KAT6B: variants seen among roughly 807,000 people sequenced by gnomAD.
The protein encoded by KAT6B is lysine acetyltransferase 6B.
KAT6B carries 10 observed loss-of-function variants against 187.5 expected under a neutral mutation model. That is an observed-to-expected ratio of 0.05 (90% CI 0.03 to 0.09). The LOEUF is 0.09. Among genes scored for constraint, KAT6B ranks in the 10% least tolerant of loss-of-function variants. The pLI, the probability that KAT6B is intolerant of heterozygous loss-of-function variation, is 1.00. For missense variants in KAT6B, 1,952 were observed against 2,558.9 expected (o/e 0.76, Z 5.12); for synonymous variants, 861 against 926.8 (o/e 0.93, Z 1.29).
chr10:74,913,966 G>A (rs1213771699), intron 3 of KAT6B, among the ~76,000 whole-genome samples: 2 of 152,098 alleles, frequency 1.3e-5, no homozygotes, highest in Non-Finnish European at 2.9e-5. Context: ...CAGGCGGATT[G>A]CCTGAGCTCA....
chr10:74,876,991 A>G (rs776230712), intron 3 of KAT6B, among the ~76,000 whole-genome samples: 1 of 151,614 alleles, frequency 6.6e-6, no homozygotes, highest in Non-Finnish European at 1.5e-5. Context: ...CGTCTCAGAA[A>G]AGTCTCGCTC....
intron 3 of KAT6B, among the ~76,000 whole-genome samples, chr10:74,883,276 A>G (rs1278414829): frequency 6.6e-6 from 1 of 152,162 alleles, no homozygotes; most frequent in Non-Finnish European, 1.5e-5. Flanking sequence ...TACCTGTCTT[A>G]TTACAGAATG....
At chr10:74,997,494 A>AT (rs1357445293) in intron 13 of KAT6B, among the ~76,000 whole-genome samples, 4 of 152,182 alleles carry the variant, frequency 2.6e-5, no homozygotes, top group Non-Finnish European at 5.9e-5. Context: ...AGTTACACAA[A>AT]TAAGTTGCAC....
chr10:74,970,190 C>T, intron 6 of KAT6B, 89 bp downstream of exon 6: 5 of 970,394 alleles, frequency 5.2e-6, no homozygotes, highest in Middle Eastern at 2.1e-4. Flanking sequence ...TATACAGGTT[C>T]TTTAAGCATT....
At chr10:74,843,542 T>A in intron 3 of KAT6B, 64 bp downstream of exon 3, 1 of 1,590,006 alleles carries the variant, frequency 6.3e-7, no homozygotes, top group Non-Finnish European at 8.6e-7. Context: ...CGGTTTCACT[T>A]AAGTTTTATG....
At chr10:74,829,439 T>C (rs113170413) in intron 1 of KAT6B, among the ~76,000 whole-genome samples, 1 of 151,914 alleles carries the variant, frequency 6.6e-6, no homozygotes, top group Admixed American at 6.6e-5. Flanking sequence ...ACATTTGTAC[T>C]GAGAGAAAAG....
intron 1 of KAT6B, among the ~76,000 whole-genome samples, chr10:74,828,668 C>T (rs1840477451): frequency 6.7e-6 from 1 of 150,232 alleles, no homozygotes; most frequent in South Asian, 2.1e-4. Context: ...CCCGGGTTCA[C>T]GCCATTGTCC....
intron 3 of KAT6B, among the ~76,000 whole-genome samples, chr10:74,847,898 CT>C (rs961491643): frequency 3.9e-4 from 57 of 145,532 alleles, no homozygotes; most frequent in African/African-American, 1.1e-3. Flanking sequence ...CCATGTTTTT[CT>C]TTTTTTTTCT....
chr10:74,973,346 A>C (rs1205201437), intron 7 of KAT6B, among the ~76,000 whole-genome samples: 1 of 152,250 alleles, frequency 6.6e-6, no homozygotes, highest in African/African-American at 2.4e-5. Flanking sequence ...TAAGAGGTGA[A>C]ATGAATTTAT....
intron 2 of KAT6B, among the ~76,000 whole-genome samples, chr10:74,840,968 A>G (rs1208680185): frequency 6.6e-6 from 1 of 152,274 alleles, no homozygotes; most frequent in African/African-American, 2.4e-5. Context: ...GTCTAAATAA[A>G]TAACCAGAGA....
chr10:74,902,249 C>T (rs972976843), intron 3 of KAT6B, among the ~76,000 whole-genome samples: 3 of 152,164 alleles, frequency 2.0e-5, no homozygotes, highest in Non-Finnish European at 4.4e-5. Flanking sequence ...CTAAGTCTTG[C>T]TGTCAACAAG....
rs2134153463 is a variant in KAT6B, at chr10:75,020,634, C to T, written c.2682C>T (p.Leu894=). The part of the protein sequence containing the change: ...EGQAGSPEKP[L]SDLGRLSYLA... ...AAGCAGGGTCTCCTGAAAAGCCTCT[C>T]TCCGATCTGGGCCGTCTCTCCTACC... Residue 894 remains leucine (L), a synonymous_variant, in exon 14 of 18, where the codon CTC becomes CTT. Coordinates refer to ENST00000287239, the MANE Select transcript of KAT6B (RefSeq NM_012330.4). The T allele has an allele frequency of 6.2e-7, 1 of 1,614,254 alleles. No individual in the cohort carries two copies. The highest frequency in any genetic ancestry group is 8.5e-7 in the Non-Finnish European group (1 of 1,180,046).
At chr10:74,861,289 G>A (rs1403486056) in intron 3 of KAT6B, among the ~76,000 whole-genome samples, 5 of 152,268 alleles carry the variant, frequency 3.3e-5, no homozygotes, top group East Asian at 1.9e-4. Flanking sequence ...GTGACAGAGC[G>A]AGACTCTGTC....
chr10:74,874,507 T>G (rs1209782290), intron 3 of KAT6B, among the ~76,000 whole-genome samples: 1 of 152,062 alleles, frequency 6.6e-6, no homozygotes, highest in African/African-American at 2.4e-5. Context: ...GTCTCCCGAG[T>G]AGCCAGGATT....
intron 3 of KAT6B, among the ~76,000 whole-genome samples, chr10:74,936,817 C>T (rs966395370): frequency 6.6e-6 from 1 of 152,066 alleles, no homozygotes. Flanking sequence ...TGTTTATGCA[C>T]TTTTACAACT....
At chr10:74,999,917 G>A (rs1843711141) in intron 13 of KAT6B, among the ~76,000 whole-genome samples, 3 of 152,260 alleles carry the variant, frequency 2.0e-5, no homozygotes, top group Admixed American at 2.0e-4. Context: ...TCTCACGCCT[G>A]TAATCCCAGC....
At chr10:74,938,604 G>A (rs1849433341) in intron 3 of KAT6B, among the ~76,000 whole-genome samples, 3 of 152,178 alleles carry the variant, frequency 2.0e-5, no homozygotes, top group Admixed American at 2.0e-4. Flanking sequence ...TTGTGACACT[G>A]AATATGGAAA....
chr10:74,926,505 A>G (rs1239920366), intron 3 of KAT6B, among the ~76,000 whole-genome samples: 1 of 152,242 alleles, frequency 6.6e-6, no homozygotes, highest in Non-Finnish European at 1.5e-5. Context: ...TATTGCCTAC[A>G]GGAGAAAATG....
intron 3 of KAT6B, among the ~76,000 whole-genome samples, chr10:74,915,800 A>G (rs2132984237): frequency 6.6e-6 from 1 of 152,314 alleles, no homozygotes; most frequent in South Asian, 2.1e-4. Flanking sequence ...ATTGCTGCTC[A>G]TTGCCACTGT....
Sources: gnomAD v4.1 joint callset for allele counts (sites outside exome capture counted in the v4.1 genomes callset) on GRCh38, gnomAD v4.1.1 for gene constraint, MANE v1.5 for transcripts, NCBI Gene and HGNC (gene_info 2026-07-23, HGNC 2026-07-21) for gene names.